ABRAXAS2: variants seen among roughly 807,000 people sequenced by gnomAD.
The protein encoded by ABRAXAS2 is BRISC complex subunit Abraxas 2.
In ABRAXAS2, 23 loss-of-function variants were observed where a neutral mutation model predicts 49.0. The ratio of observed to expected loss-of-function variants is 0.47; its 90% CI spans 0.34 to 0.66. ABRAXAS2 has a LOEUF of 0.66. Ranked by LOEUF, ABRAXAS2 falls within the 30% of genes least tolerant of loss-of-function variation. ABRAXAS2 has a pLI of 0.01. For synonymous variants in ABRAXAS2, 168 were observed against 180.2 expected, an observed-to-expected ratio of 0.93 and a Z score of 0.54; for missense variants, 443 against 511.9, an observed-to-expected ratio of 0.87 and a Z score of 1.30.
intron 2 of ABRAXAS2, among the ~76,000 whole-genome samples, chr10:124,808,255 A>G (rs1199745641): frequency 1.3e-5 from 2 of 151,260 alleles, no homozygotes; most frequent in Admixed American, 6.6e-5. Context: ...GGCTCACTGC[A>G]AGCTCCGCCT....
chr10:124,816,653 G>C, intron 3 of ABRAXAS2, 41 bp downstream of exon 3: 1 of 1,465,052 alleles, frequency 6.8e-7, no homozygotes, highest in Non-Finnish European at 9.5e-7. Flanking sequence ...TAAAAGGATT[G>C]ATTGATAAAA....
chr10:124,822,833 T>G (rs549503986), intron 4 of ABRAXAS2, among the ~76,000 whole-genome samples: 1 of 151,820 alleles, frequency 6.6e-6, no homozygotes, highest in South Asian at 2.1e-4. Context: ...GTCTTTTCAC[T>G]AGTAGGTAGG....
chr10:124,835,075 T>A lies in ABRAXAS2; in HGVS notation c.*104T>A, dbSNP rs543286483. On this transcript the variant is annotated 3_prime_UTR_variant, in exon 9 of 9. Transcript: ENST00000298492. ...GGGAGAACTGCTTTCTCAGATACCTTAACTCCCGAGAAGAGAGTCCTTGTG... is the reference window on the plus strand; with the variant it reads ...GGGAGAACTGCTTTCTCAGATACCTAAACTCCCGAGAAGAGAGTCCTTGTG... 2,235 of 845,338 alleles carry A rather than the reference T, an allele frequency of 2.6e-3. 5 individuals are homozygous for A. The highest frequency in any genetic ancestry group is 3.6e-3 in the Non-Finnish European group (2,004 of 551,218). 52.4% of individuals were successfully genotyped at this position (845,338 alleles called of 1,614,324 possible). A position where few individuals can be genotyped will look rare whatever the true frequency, so the allele number is the denominator to read the frequency against.
intron 4 of ABRAXAS2, among the ~76,000 whole-genome samples, chr10:124,820,998 C>T (rs952368231): frequency 7.9e-5 from 12 of 152,044 alleles, no homozygotes; most frequent in East Asian, 5.9e-4. Context: ...ACTGCAGCCT[C>T]GACCTCCCAG....
rs768820024 is a variant in ABRAXAS2, at chr10:124,834,748, A to C, written c.1025A>C (p.Tyr342Ser). 5 of 1,614,114 alleles carry C rather than the reference A, an allele frequency of 3.1e-6. 1 individual carries two copies. The highest frequency in any genetic ancestry group is 3.3e-4 in the Middle Eastern group (2 of 6,062). Residue 342 changes from tyrosine (Y) to serine (S), a missense_variant, in exon 9 of 9, where the codon TAT (tyrosine) becomes TCT (serine). Tyr to Ser is a moderately radical substitution (Grantham distance 144). Transcript: ENST00000298492. ...CCTCAAGCTGTGGGCTCTTCCAATT[A>C]TGCTTCCACCAGTGCCGGACTGAAG... ...PRPQAVGSSN[Y>S]ASTSAGLKYP...
chr10:124,818,382 C>T (rs959693513), intron 3 of ABRAXAS2, among the ~76,000 whole-genome samples: 2 of 142,142 alleles, frequency 1.4e-5, no homozygotes, highest in East Asian at 2.0e-4. Context: ...GGTGACAGAG[C>T]GAGACTCCAT....
At chr10:124,821,101 C>T (rs922308312) in intron 4 of ABRAXAS2, among the ~76,000 whole-genome samples, 3 of 151,770 alleles carry the variant, frequency 2.0e-5, no homozygotes, top group Admixed American at 6.6e-5. Context: ...TTAGTACAAA[C>T]GGGGTTTTGC....
chr10:124,803,816 G>A (rs9664971), intron 1 of ABRAXAS2, among the ~76,000 whole-genome samples: 8,580 of 152,214 alleles, frequency 0.056, 783 homozygotes, highest in African/African-American at 0.19. Flanking sequence ...CAGGAAAATC[G>A]CTTGAACCCG....
At chr10:124,828,685 TA>T in intron 5 of ABRAXAS2, 70 bp from the exon 6 acceptor site, 6 of 1,444,510 alleles carry the variant, frequency 4.2e-6, no homozygotes, top group Non-Finnish European at 5.6e-6. Flanking sequence ...TTTTTTTTTT[TA>T]GACTGTCAGT....
At chr10:124,822,910 C>T (rs963275132) in intron 4 of ABRAXAS2, among the ~76,000 whole-genome samples, 5 of 152,074 alleles carry the variant, frequency 3.3e-5, no homozygotes, top group Non-Finnish European at 7.4e-5. Flanking sequence ...GAAGGCCACT[C>T]GTTGGTTGCT....
Position 124,801,884 on chromosome 10 carries a change from A to C in ABRAXAS2, c.55A>C (p.Asn19His), listed in dbSNP as rs750803687. ...CAGTGCTGTGTGTTTCCACAGCGCC[A>C]ACAGCAACGCGGACCACGTAGGTGC... ...TFSAVCFHSANSNADHEGFLL... is the reference protein window; with the variant it reads ...TFSAVCFHSAHSNADHEGFLL... The change falls in exon 1 of 9, where the codon AAC becomes CAC. Residue 19 changes from asparagine to histidine, a missense_variant. Around this residue, in one of 3 missense-constraint regions of ABRAXAS2, gnomAD observed 47 missense variants for 27.6 expected, o/e 1.70. Coordinates refer to ENST00000298492, the MANE Select transcript of ABRAXAS2 (RefSeq NM_032182.4). The C allele has an allele frequency of 5.0e-6, 8 of 1,613,060 alleles. No homozygotes were observed. Among genetic ancestry groups the C allele is most frequent in the Non-Finnish European group, 5.9e-6 (7 of 1,179,728 alleles).
At position 124,828,989 on chromosome 10, in the gene ABRAXAS2, T is replaced by G. The variant is rs188045517; in HGVS notation, c.578+114T>G. On this transcript the variant is annotated intron_variant, in intron 6 of 8. Coordinates refer to ENST00000298492, the MANE Select transcript of ABRAXAS2 (RefSeq NM_032182.4). ...AAACCAAGTTTGATATGATTAAAAT[T>G]GAAGAATACAGTAAGGTAATTGTCT... is the stretch of plus-strand genomic sequence containing the variant. The G allele has an allele frequency of 2.7e-5, 28 of 1,029,070 alleles. No homozygotes were observed. The East Asian group carries it at 6.8e-4, about 25-fold the overall frequency. 63.7% of individuals were successfully genotyped at this position (1,029,070 alleles called of 1,614,324 possible). A position where few individuals can be genotyped will look rare whatever the true frequency, so the allele number is the denominator to read the frequency against.
At chr10:124,834,370 T>C in intron 8 of ABRAXAS2, 132 bp from the exon 9 acceptor site, 2 of 687,086 alleles carry the variant, frequency 2.9e-6, no homozygotes, top group Non-Finnish European at 4.9e-6. Flanking sequence ...AATTGTAAAA[T>C]AATTAATAGT....
intron 1 of ABRAXAS2, among the ~76,000 whole-genome samples, chr10:124,806,417 G>A (rs1021543606): frequency 8.6e-5 from 13 of 151,926 alleles, no homozygotes; most frequent in Non-Finnish European, 1.6e-4. Context: ...AAAGCATTTA[G>A]TTGTCATTGT....
At chr10:124,831,841 T>TA in intron 8 of ABRAXAS2, among the ~76,000 whole-genome samples, 1 of 81,858 alleles carries the variant, frequency 1.2e-5, no homozygotes, top group Non-Finnish European at 2.9e-5. Context: ...CTGTGTCCTG[T>TA]CTTTTTTTTT....
chr10:124,833,890 G>C (rs1027392307), intron 8 of ABRAXAS2, among the ~76,000 whole-genome samples: 1 of 151,960 alleles, frequency 6.6e-6, no homozygotes, highest in African/African-American at 2.4e-5. Flanking sequence ...CTTAAGACAG[G>C]GTTTTTAAAG....
chr10:124,806,291 G>A (rs916111599), intron 1 of ABRAXAS2, among the ~76,000 whole-genome samples: 3 of 149,644 alleles, frequency 2.0e-5, no homozygotes, highest in South Asian at 2.1e-4. Flanking sequence ...GGGTGACAGA[G>A]CAAGATTCCG....
rs80224592 is a variant in ABRAXAS2, at chr10:124,824,820, T to C, written c.268-1775T>C. On this transcript the variant is annotated intron_variant, in intron 4 of 8. Coordinates refer to ENST00000298492, the MANE Select transcript of ABRAXAS2 (RefSeq NM_032182.4). ...TTGAATCTTAGAATGAAATGTGCTA[T>C]GTTCACCTGCATCAATAGCTCTATC... is the stretch of plus-strand genomic sequence containing the variant. 4.4e-3 allele frequency among the ~76,000 whole-genome samples: 670 copies of C among 152,294 alleles called. 2 individuals carry two copies. The highest frequency in any genetic ancestry group is 0.015 in the African/African-American group (636 of 41,556).
intron 2 of ABRAXAS2, among the ~76,000 whole-genome samples, chr10:124,809,289 TATTTATTC>T (rs1191488818): frequency 2.0e-5 from 3 of 152,066 alleles, no homozygotes; most frequent in African/African-American, 7.2e-5. Context: ...TTTATTTATT[TATTTATTC>T]ATTTATTTTT....
Sources: gnomAD v4.1 joint callset for allele counts (sites outside exome capture counted in the v4.1 genomes callset) on GRCh38, gnomAD v4.1.1 for gene constraint, gnomAD v4.1.1 regional missense constraint, MANE v1.5 for transcripts, NCBI Gene and HGNC (gene_info 2026-07-23, HGNC 2026-07-21) for gene names.